Variants in BEND7 observed in about 807,000 individuals in gnomAD.
The protein encoded by BEND7 is BEN domain-containing protein 7.
BEND7 carries 28 observed loss-of-function variants against 50.9 expected under a neutral mutation model. The ratio of observed to expected loss-of-function variants is 0.55; its 90% CI spans 0.41 to 0.75. BEND7 has a LOEUF of 0.75. Among genes scored for constraint, BEND7 ranks in the 30% least tolerant of loss-of-function variants. BEND7 has a pLI of 0.00. For synonymous variants in BEND7, 170 were observed against 183.9 expected (o/e 0.92, Z 0.61); for missense variants, 477 against 491.3 (o/e 0.97, Z 0.28).
At chr10:13,472,167 T>A (rs1237158448) in intron 6 of BEND7, among the ~76,000 whole-genome samples, 1 of 152,078 alleles carries the variant, frequency 6.6e-6, no homozygotes, top group Non-Finnish European at 1.5e-5. Flanking sequence ...ATACTCGTCA[T>A]CGCTGTTACA....
Position 13,511,598 on chromosome 10 carries a change from C to G in BEND7, c.146-11518G>C, listed in dbSNP as rs924083546. On this transcript the variant is annotated intron_variant, in intron 2 of 8. Transcript: ENST00000466271. ...CTGGGGTGTGGCACGTTTTGTAATC[C>G]CTGGAATACATGCTAAGGCCACTTT... Among the ~76,000 whole-genome samples the G allele has an allele frequency of 2.0e-5, 3 of 152,060 alleles. 1 individual carries two copies. The highest frequency in any genetic ancestry group is 2.0e-4 in the Admixed American group (3 of 15,252).
At chr10:13,522,324 G>T (rs2079136958) in intron 2 of BEND7, among the ~76,000 whole-genome samples, 1 of 152,152 alleles carries the variant, frequency 6.6e-6, no homozygotes, top group Non-Finnish European at 1.5e-5. Flanking sequence ...AGCAGCTAAG[G>T]CCTCCTCCAT....
At chr10:13,525,800 A>C (rs1484331546) in intron 2 of BEND7, among the ~76,000 whole-genome samples, 1 of 152,194 alleles carries the variant, frequency 6.6e-6, no homozygotes, top group African/African-American at 2.4e-5. Context: ...GTAATACCCC[A>C]ATTACACAAA....
intron 6 of BEND7, 120 bp from the exon 7 acceptor site, chr10:13,452,778 A>G (rs913890212): frequency 6.7e-6 from 6 of 889,180 alleles, no homozygotes; most frequent in Admixed American, 3.1e-5. Flanking sequence ...GTTCTGCACG[A>G]TATGTCTTCG....
intron 1 of BEND7, 39 bp downstream of exon 1, chr10:13,528,434 C>T (rs770555832): frequency 5.1e-6 from 5 of 978,786 alleles, no homozygotes; most frequent in Non-Finnish European, 1.2e-6. Flanking sequence ...GAGGGCGCGG[C>T]GCCCGCTGCC....
intron 6 of BEND7, among the ~76,000 whole-genome samples, chr10:13,460,737 G>T (rs1410631771): frequency 1.3e-5 from 2 of 152,212 alleles, no homozygotes; most frequent in East Asian, 3.8e-4. Context: ...TCACGTTTTT[G>T]TTGATTCTTA....
chr10:13,492,810 C>T lies in BEND7; in HGVS notation c.638G>A (p.Arg213Gln), dbSNP rs759949590. 10 of 1,608,350 alleles carry T rather than the reference C, an allele frequency of 6.2e-6. No homozygotes were observed. Among genetic ancestry groups the T allele is most frequent in the Middle Eastern group, 1.6e-4 (1 of 6,068 alleles). Reference sequence around the variant, plus strand: ...CACTTTTTTCTTTTTATTTCTCTTTCGTGAGACAGCAGTTCGCTGGGAGCA... The same window carrying T: ...CACTTTTTTCTTTTTATTTCTCTTTTGTGAGACAGCAGTTCGCTGGGAGCA... Reference protein sequence around the residue: ...LICSQRTAVSRKRNKKKKVPP... With the variant: ...LICSQRTAVSQKRNKKKKVPP... The change falls in exon 5 of 9, where the codon CGA becomes CAA. Residue 213 changes from arginine (R) to glutamine (Q), a missense_variant. Physicochemically the swap from Arg to Gln is conservative, Grantham distance 43. This residue lies in a region of BEND7 where 396 missense variants were observed against 384.2 expected (regional missense o/e 1.03). Transcript: ENST00000466271.
downstream of BEND7, among the ~76,000 whole-genome samples, chr10:13,439,852 G>A (rs983548790): frequency 1.3e-5 from 2 of 152,242 alleles, no homozygotes; most frequent in Non-Finnish European, 2.9e-5. Flanking sequence ...TGCCCGCGCC[G>A]TCCCAGCCCC....
chr10:13,483,380 G>A (rs555331128), intron 5 of BEND7, among the ~76,000 whole-genome samples: 3 of 152,302 alleles, frequency 2.0e-5, no homozygotes, highest in Admixed American at 6.5e-5. Context: ...CACAGCATTT[G>A]CTTAGCTGGG....
chr10:13,513,304 C>T (rs540054021), intron 2 of BEND7, among the ~76,000 whole-genome samples: 12 of 152,260 alleles, frequency 7.9e-5, no homozygotes, highest in South Asian at 4.1e-4. Flanking sequence ...CTGGATTCAC[C>T]GTCCTCTCTC....
Position 13,528,536 on chromosome 10 carries a change from T to C in BEND7, c.-3A>G. 9.7e-7 allele frequency: 1 copy of C among 1,030,524 alleles called. No homozygotes were observed. Among genetic ancestry groups the C allele is most frequent in the Non-Finnish European group, 1.2e-6 (1 of 859,392 alleles). The allele number at this position is 1,030,524 out of a possible 1,614,324, so 63.8% of individuals were successfully genotyped here. A position where few individuals can be genotyped will look rare whatever the true frequency, so the allele number is the denominator to read the frequency against. On this transcript the variant is annotated 5_prime_UTR_variant, in exon 1 of 9. Coordinates refer to ENST00000466271, the MANE Select transcript of BEND7 (RefSeq NM_001369863.1). ...CTTTTCCTCTCGGAGAACTCCATGGTGCGGGGAAGGCGGCGGCGGGGGCTG... is the reference window on the plus strand; with the variant it reads ...CTTTTCCTCTCGGAGAACTCCATGGCGCGGGGAAGGCGGCGGCGGGGGCTG...
chr10:13,513,851 A>T (rs969008445), intron 2 of BEND7, among the ~76,000 whole-genome samples: 3 of 152,022 alleles, frequency 2.0e-5, no homozygotes. Flanking sequence ...CATTTCTCCT[A>T]TTCTATGGTG....
At chr10:13,502,870 C>T in intron 2 of BEND7, 2 of 985,048 alleles carry the variant, frequency 2.0e-6, no homozygotes, top group Non-Finnish European at 2.4e-6. Context: ...CCCCGGCTCT[C>T]AAGTCCATGC....
At chr10:13,480,638 ACTT>A (rs1246294577) in intron 6 of BEND7, 3 of 984,560 alleles carry the variant, frequency 3.0e-6, no homozygotes, top group South Asian at 4.7e-5. Context: ...TCAAGAAAAA[ACTT>A]CTTTTTGATT....
At chr10:13,486,060 G>A (rs369175122) in intron 5 of BEND7, among the ~76,000 whole-genome samples, 100 of 152,144 alleles carry the variant, frequency 6.6e-4, no homozygotes, top group African/African-American at 2.0e-3. Context: ...AAATTTTTTC[G>A]TAGAGACACA....
chr10:13,501,097 G>A (rs532945135), intron 2 of BEND7, among the ~76,000 whole-genome samples: 1 of 152,050 alleles, frequency 6.6e-6, no homozygotes, highest in East Asian at 1.9e-4. Flanking sequence ...CTTTTTGGCC[G>A]GGCACAGTGG....
intron 6 of BEND7, among the ~76,000 whole-genome samples, chr10:13,480,311 G>T (rs2075766299): frequency 6.6e-6 from 1 of 152,200 alleles, no homozygotes; most frequent in African/African-American, 2.4e-5. Context: ...CTCAAAGGAG[G>T]GAAGGGGGAG....
intron 8 of BEND7, chr10:13,447,032 G>A: frequency 1.8e-6 from 1 of 554,876 alleles, no homozygotes; most frequent in Non-Finnish European, 3.2e-6. Context: ...CTTAGGATTT[G>A]CTCTTCTGAG....
intron 4 of BEND7, among the ~76,000 whole-genome samples, chr10:13,493,811 T>C (rs959096946): frequency 6.6e-6 from 1 of 152,202 alleles, no homozygotes; most frequent in Non-Finnish European, 1.5e-5. Context: ...CAAGTATTAA[T>C]ATAGCTTCCT....
Sources: gnomAD v4.1 joint callset for allele counts (sites outside exome capture counted in the v4.1 genomes callset) on GRCh38, gnomAD v4.1.1 for gene constraint, gnomAD v4.1.1 regional missense constraint, MANE v1.5 for transcripts, NCBI Gene and HGNC (gene_info 2026-07-23, HGNC 2026-07-21) for gene names.